The following YLPM1 variants were observed in gnomAD, a reference collection of about 807,000 sequenced individuals.
The protein encoded by YLPM1 is YLP motif containing 1.
YLPM1 carries 99 observed loss-of-function variants against 230.0 expected under a neutral mutation model. That is an observed-to-expected ratio of 0.43 (90% confidence interval 0.37 to 0.51). The LOEUF (loss-of-function observed/expected upper bound fraction) is 0.51, where lower values mean the gene tolerates loss of function less well. Among genes scored for constraint, YLPM1 ranks in the 20% least tolerant of loss-of-function variants. The pLI is 0.00. For synonymous variants in YLPM1, 984 were observed against 942.5 expected, an observed-to-expected ratio of 1.04 and a Z score of -0.81; for missense variants, 2,592 against 2,707.7, an observed-to-expected ratio of 0.96 and a Z score of 0.95.
intron 2 of YLPM1, among the ~76,000 whole-genome samples, chr14:74,780,112 C>T (rs2091078601): frequency 6.6e-6 from 1 of 152,052 alleles, no homozygotes; most frequent in African/African-American, 2.4e-5. Context: ...CCTGGGACCA[C>T]TTTCCACTGG....
intron 4 of YLPM1, among the ~76,000 whole-genome samples, chr14:74,786,708 T>G (rs544929925): frequency 6.6e-6 from 1 of 152,120 alleles, no homozygotes; most frequent in South Asian, 2.1e-4. Flanking sequence ...GTCATTGAAG[T>G]TTTTTGGTTA....
chr14:74,828,486 G>T (rs974912180), intron 18 of YLPM1, among the ~76,000 whole-genome samples: 1 of 152,012 alleles, frequency 6.6e-6, no homozygotes, highest in Non-Finnish European at 1.5e-5. Flanking sequence ...TTCTGAATCC[G>T]CAATCCCTAT....
rs1291937425 is a variant in YLPM1 at position 74,799,245 on chromosome 14, G to A, written c.3948G>A (p.Leu1316=). ...NEWDRDYGRP[L]DEQESQFRER... Reference sequence around the variant, plus strand: ...GGGACAGAGATTATGGGAGACCACTGGATGAACAAGAATCACAGTTTCGTG... The same window carrying A: ...GGGACAGAGATTATGGGAGACCACTAGATGAACAAGAATCACAGTTTCGTG... Residue 1316 remains leucine, a synonymous_variant, in exon 5 of 21, where the codon CTG becomes CTA. Coordinates refer to ENST00000325680, the MANE Select transcript of YLPM1 (RefSeq NM_019589.3). 3 of 1,614,022 alleles carry A rather than the reference G, an allele frequency of 1.9e-6. No individual in the cohort carries two copies. The South Asian group carries it at 3.3e-5, about 18-fold the overall frequency.
Position 74,810,011 on chromosome 14 carries a change from C to T in YLPM1, c.5032+9C>T, listed in dbSNP as rs1261062580. ...ATCAACTTTTGAGACAGGTAGGATT[C>T]CCAGAGAGGTCAGTATTTTTAAACA... On this transcript the variant is annotated intron_variant, in intron 8 of 20. Transcript: ENST00000325680. 3 of 1,588,808 alleles carry T rather than the reference C, an allele frequency of 1.9e-6. No homozygotes were observed. Among genetic ancestry groups the T allele is most frequent in the Middle Eastern group, 1.7e-4 (1 of 6,028 alleles).
chr14:74,816,550 T>G (rs1179829412), intron 12 of YLPM1, 21 bp from the exon 13 acceptor site: 1 of 1,603,764 alleles, frequency 6.2e-7, no homozygotes, highest in Non-Finnish European at 8.5e-7. Flanking sequence ...GTTTTAACCT[T>G]CTTGACTGTA....
At position 74,798,785 on chromosome 14, in the gene YLPM1, G is replaced by T. The variant is rs371926867; in HGVS notation, c.3488G>T (p.Gly1163Val). 7.4e-6 allele frequency: 12 copies of T among 1,613,804 alleles called. No homozygotes were observed. The African/African-American group carries it at 1.6e-4, about 22-fold the overall frequency. ...RERGLGRSDF[G>V]RDRGPFRPEP... ...AGGGGACTGGGAAGATCAGATTTTG[G>T]TCGTGATAGAGGTCCATTCAGACCA... The change falls in exon 5 of 21, where the codon GGT becomes GTT. Residue 1163 changes from glycine to valine, a missense_variant. Around this residue, in one of 4 missense-constraint regions of YLPM1, gnomAD observed 1,862 missense variants for 1,819.8 expected, o/e 1.02. Coordinates refer to ENST00000325680, the MANE Select transcript of YLPM1 (RefSeq NM_019589.3).
In YLPM1 at chr14:74,824,933, A is replaced by T. The variant is rs184292702; in HGVS notation, c.6163+626A>T. Among the ~76,000 whole-genome samples, 343 of 152,272 alleles carry T rather than the reference A, an allele frequency of 2.3e-3. 1 individual carries two copies. The highest frequency in any genetic ancestry group is 7.8e-3 in the African/African-American group (323 of 41,570). On this transcript the variant is annotated intron_variant, in intron 18 of 20. Transcript: ENST00000325680. ...GTTATCTGTCAAACAAAAAAGTCATACATATCCAATGGATTCCCTCTATTA... is the reference window on the plus strand; with the variant it reads ...GTTATCTGTCAAACAAAAAAGTCATTCATATCCAATGGATTCCCTCTATTA...
intron 5 of YLPM1, among the ~76,000 whole-genome samples, chr14:74,801,943 G>C (rs111831593): frequency 1.3e-5 from 2 of 152,184 alleles, no homozygotes; most frequent in South Asian, 2.1e-4. Flanking sequence ...TAGGCCGGGC[G>C]TGGTGGCTTA....
chr14:74,777,306 C>T (rs1432057702), intron 1 of YLPM1, among the ~76,000 whole-genome samples: 1 of 152,056 alleles, frequency 6.6e-6, no homozygotes, highest in Non-Finnish European at 1.5e-5. Context: ...TGGCTCACAC[C>T]TGTAATCCCA....
intron 19 of YLPM1, among the ~76,000 whole-genome samples, chr14:74,832,850 C>G (rs1474752905): frequency 6.6e-6 from 1 of 152,104 alleles, no homozygotes; most frequent in Non-Finnish European, 1.5e-5. Context: ...ATTTTTTCTT[C>G]TAATCCTATA....
chr14:74,815,337 G>A (rs2091468961), intron 11 of YLPM1, among the ~76,000 whole-genome samples: 1 of 152,092 alleles, frequency 6.6e-6, no homozygotes, highest in Non-Finnish European at 1.5e-5. Flanking sequence ...TGAGGTGGGC[G>A]GATCACTTGA....
Position 74,812,674 on chromosome 14 carries a change from T to G in YLPM1, c.5394T>G (p.Pro1798=). Reference sequence around the variant, plus strand: ...AGGAGCGAATGCCTCTGCCAGCTCCTTCACTGAGCCACCAGCCTCCTCCAG... The same window carrying G: ...AGGAGCGAATGCCTCTGCCAGCTCCGTCACTGAGCCACCAGCCTCCTCCAG... ...YPEERMPLPA[P]SLSHQPPPAP... The change falls in exon 11 of 21, where the codon CCT becomes CCG. Residue 1798 remains proline, a synonymous_variant. Coordinates refer to ENST00000325680, the MANE Select transcript of YLPM1 (RefSeq NM_019589.3). The G allele has an allele frequency of 6.2e-7, 1 of 1,613,638 alleles. No individual in the cohort carries two copies. The highest frequency in any genetic ancestry group is 1.1e-5 in the South Asian group (1 of 91,002).
chr14:74,783,173 T>A (rs2091112750), intron 4 of YLPM1, among the ~76,000 whole-genome samples: 1 of 152,134 alleles, frequency 6.6e-6, no homozygotes, highest in East Asian at 1.9e-4. Flanking sequence ...CAAGCAGTCC[T>A]CCCACCTCAG....
intron 4 of YLPM1, among the ~76,000 whole-genome samples, chr14:74,797,125 A>G (rs1027693691): frequency 2.7e-5 from 4 of 147,104 alleles, no homozygotes; most frequent in Admixed American, 6.9e-5. Flanking sequence ...GGCACCTGCC[A>G]CCACACCTGG....
Position 74,804,425 on chromosome 14 carries a change from C to T in YLPM1, c.4521+1749C>T, listed in dbSNP as rs373158474. On this transcript the variant is annotated intron_variant, in intron 6 of 20. Transcript: ENST00000325680. The stretch of plus-strand genomic sequence containing the variant: ...GACCTCTGCTGACCATTGCTTGCTA[C>T]TCCACTCTCTGATGCTTCATTTTCC... Among the ~76,000 whole-genome samples the T allele has an allele frequency of 7.0e-5, 8 of 114,156 alleles. No individual in the cohort carries two copies. In the East Asian group the frequency reaches 2.3e-3, roughly 32 times the overall value. The allele number at this position is 114,156 out of a possible 152,430, so 74.9% of individuals were successfully genotyped here. A position where few individuals can be genotyped will look rare whatever the true frequency, so the allele number is the denominator to read the frequency against.
At chr14:74,780,956 A>G (rs1280132920) in intron 3 of YLPM1, among the ~76,000 whole-genome samples, 1 of 152,232 alleles carries the variant, frequency 6.6e-6, no homozygotes, top group Non-Finnish European at 1.5e-5. Context: ...ATACCGTAAA[A>G]GATAAAGTGA....
chr14:74,811,096 G>T (rs1328840051), intron 9 of YLPM1, among the ~76,000 whole-genome samples: 1 of 152,004 alleles, frequency 6.6e-6, no homozygotes, highest in East Asian at 1.9e-4. Context: ...CGAAGTGCTG[G>T]GATTATAGGC....
chr14:74,827,643 T>C (rs1001385185), intron 18 of YLPM1: 3 of 985,312 alleles, frequency 3.0e-6, no homozygotes, highest in Admixed American at 1.2e-4. Context: ...TACTTTGAAG[T>C]ATGTTAATGT....
chr14:74,824,612 T>C (rs1263536960), intron 18 of YLPM1, among the ~76,000 whole-genome samples: 2 of 152,116 alleles, frequency 1.3e-5, no homozygotes, highest in African/African-American at 4.8e-5. Flanking sequence ...ATGTTGGTGC[T>C]GATGAGATTT....
Sources: allele counts gnomAD v4.1 joint callset (sites outside exome capture counted in the v4.1 genomes callset), GRCh38; gene constraint gnomAD v4.1.1; regional missense constraint gnomAD v4.1.1; transcripts MANE v1.5; gene names NCBI Gene and HGNC (gene_info 2026-07-23, HGNC 2026-07-21).